Variants in LRCH1 observed in about 807,000 individuals in gnomAD.
LRCH1 encodes the protein leucine-rich repeat and calponin homology domain-containing protein 1.
In LRCH1, 23 loss-of-function variants were observed where a neutral mutation model predicts 94.9. The observed-to-expected ratio is 0.24, with a 90% CI of 0.17 to 0.34. LRCH1 has a LOEUF of 0.34. Ranked by LOEUF, LRCH1 falls within the 10% of genes least tolerant of loss-of-function variation. LRCH1 has a pLI of 1.00. For missense variants in LRCH1, 790 were observed against 945.9 expected (o/e 0.84, Z 2.16); for synonymous variants, 364 against 354.9 (o/e 1.03, Z -0.29).
intron 6 of LRCH1, among the ~76,000 whole-genome samples, chr13:46,688,810 T>A (rs1870750916): frequency 6.6e-6 from 1 of 152,220 alleles, no homozygotes; most frequent in Admixed American, 6.5e-5. Context: ...ATATGCTAGA[T>A]GCAGTAAAAT....
At chr13:46,606,889 C>T (rs1041506131) in intron 1 of LRCH1, among the ~76,000 whole-genome samples, 3 of 152,068 alleles carry the variant, frequency 2.0e-5, no homozygotes, top group South Asian at 2.1e-4. Flanking sequence ...TTTTTTATTA[C>T]TCACATTTCC....
intron 1 of LRCH1, among the ~76,000 whole-genome samples, chr13:46,626,532 C>A (rs948234642): frequency 6.6e-6 from 1 of 152,204 alleles, no homozygotes; most frequent in Admixed American, 6.5e-5. Context: ...CTCCTGCCCG[C>A]AAAACATTGC....
intron 1 of LRCH1, among the ~76,000 whole-genome samples, chr13:46,564,107 G>T (rs552898017): frequency 6.6e-6 from 1 of 152,216 alleles, no homozygotes; most frequent in Non-Finnish European, 1.5e-5. Context: ...AGACATGTTA[G>T]TGTAGGATTT....
intron 2 of LRCH1, among the ~76,000 whole-genome samples, chr13:46,667,232 A>AG (rs962295250): frequency 3.9e-5 from 6 of 152,142 alleles, no homozygotes; most frequent in Non-Finnish European, 7.3e-5. Flanking sequence ...CTGGAGCAGC[A>AG]GAGATATCAA....
At chr13:46,718,286 C>G (rs554232960) in intron 16 of LRCH1, among the ~76,000 whole-genome samples, 20 of 152,272 alleles carry the variant, frequency 1.3e-4, no homozygotes, top group African/African-American at 4.8e-4. Context: ...AACCATGTAT[C>G]TTGTACCAGT....
At chr13:46,650,172 T>C in intron 1 of LRCH1, 29 bp from the exon 2 acceptor site, 1 of 1,553,864 alleles carries the variant, frequency 6.4e-7, no homozygotes, top group South Asian at 1.2e-5. Context: ...CAAATTTTGT[T>C]GAGAAAATAT....
intron 2 of LRCH1, among the ~76,000 whole-genome samples, chr13:46,654,930 A>G (rs190566705): frequency 2.0e-5 from 3 of 152,366 alleles, no homozygotes; most frequent in South Asian, 2.1e-4. Flanking sequence ...CTTAAAATCA[A>G]TGTGACCTCA....
chr13:46,701,975 G>A lies in LRCH1; in HGVS notation c.1400+768G>A, dbSNP rs139642190. Among the ~76,000 whole-genome samples the A allele has an allele frequency of 1.4e-4, 21 of 152,342 alleles. No individual in the cohort carries two copies. The East Asian group carries it at 3.9e-3, about 28-fold the overall frequency. Reference sequence around the variant, plus strand: ...AGTTAGTGTATCCCAGAATGCTGATGAGAATATACCACCTATGATGTCTGG... The same window carrying A: ...AGTTAGTGTATCCCAGAATGCTGATAAGAATATACCACCTATGATGTCTGG... On this transcript the variant is annotated intron_variant, in intron 11 of 19. Transcript: ENST00000389797.
chr13:46,635,113 G>A (rs1010055412), intron 1 of LRCH1, among the ~76,000 whole-genome samples: 1 of 152,134 alleles, frequency 6.6e-6, no homozygotes, highest in African/African-American at 2.4e-5. Flanking sequence ...ATTTCAGTGA[G>A]GTGTCTGTAT....
At chr13:46,568,449 C>T (rs913934618) in intron 1 of LRCH1, among the ~76,000 whole-genome samples, 24 of 152,182 alleles carry the variant, frequency 1.6e-4, no homozygotes, top group African/African-American at 4.8e-4. Context: ...AGAATTGGTC[C>T]AGGTTATCCT....
At chr13:46,670,245 A>G (rs935496251) in intron 3 of LRCH1, among the ~76,000 whole-genome samples, 4 of 152,334 alleles carry the variant, frequency 2.6e-5, no homozygotes, top group African/African-American at 9.6e-5. Context: ...AACTCATTCC[A>G]GCTAGCTCAC....
At chr13:46,668,929 T>C in intron 2 of LRCH1, 101 bp from the exon 3 acceptor site, 2 of 1,273,132 alleles carry the variant, frequency 1.6e-6, no homozygotes, top group Admixed American at 4.1e-5. Context: ...TAAAATGTCT[T>C]CTCAGATCAC....
intron 16 of LRCH1, among the ~76,000 whole-genome samples, chr13:46,721,076 TA>T (rs562332029): frequency 1.6e-3 from 248 of 152,276 alleles, no homozygotes; most frequent in African/African-American, 5.8e-3. Flanking sequence ...AATGCAAAAT[TA>T]AAAAATGATG....
At chr13:46,748,992 T>G (rs942009816), downstream of LRCH1, among the ~76,000 whole-genome samples, 4 of 152,174 alleles carry the variant, frequency 2.6e-5, no homozygotes, top group African/African-American at 9.7e-5. Flanking sequence ...CCTTTGAAAG[T>G]CTTTTAAGCA....
intron 1 of LRCH1, among the ~76,000 whole-genome samples, chr13:46,620,138 C>T (rs954815027): frequency 9.2e-5 from 14 of 152,274 alleles, no homozygotes; most frequent in East Asian, 3.9e-4. Flanking sequence ...AAACTCCTTC[C>T]CAGGCCTATC....
At chr13:46,651,877 T>TTTTTG (rs1252835283) in intron 2 of LRCH1, among the ~76,000 whole-genome samples, 11 of 145,616 alleles carry the variant, frequency 7.6e-5, no homozygotes, top group Admixed American at 4.1e-4. Context: ...TGTTTTGTTT[T>TTTTTG]TTTTGTTTTG....
chr13:46,568,752 C>CT (rs2050211639), intron 1 of LRCH1, among the ~76,000 whole-genome samples: 1 of 152,130 alleles, frequency 6.6e-6, no homozygotes, highest in Admixed American at 6.5e-5. Flanking sequence ...AGGATGGAAA[C>CT]ATTCTATGTC....
chr13:46,688,412 T>C (rs1322377399), intron 6 of LRCH1, among the ~76,000 whole-genome samples: 1 of 152,202 alleles, frequency 6.6e-6, no homozygotes, highest in African/African-American at 2.4e-5. Context: ...GGCTTTATTT[T>C]TGGTCTTTTA....
chr13:46,564,664 C>A (rs2050163480), intron 1 of LRCH1, among the ~76,000 whole-genome samples: 2 of 152,350 alleles, frequency 1.3e-5, no homozygotes, highest in South Asian at 4.1e-4. Context: ...CGTGCAGGAA[C>A]TTAGACACTT....
Sources: allele counts gnomAD v4.1 joint callset (sites outside exome capture counted in the v4.1 genomes callset), GRCh38; gene constraint gnomAD v4.1.1; transcripts MANE v1.5; gene names NCBI Gene and HGNC (gene_info 2026-07-23, HGNC 2026-07-21).